ADGRB3: variants seen among roughly 807,000 people sequenced by gnomAD.
ADGRB3 encodes the protein brain-specific angiogenesis inhibitor 3.
ADGRB3 carries 37 observed loss-of-function variants against 193.4 expected under a neutral mutation model. The observed-to-expected ratio is 0.19, with a 90% CI of 0.15 to 0.25. The LOEUF (loss-of-function observed/expected upper bound fraction) is 0.25. Ranked by LOEUF, ADGRB3 falls within the 10% of genes least tolerant of loss-of-function variation. The pLI is 1.00. For synonymous variants in ADGRB3, 690 were observed against 644.2 expected, an observed-to-expected ratio of 1.07 and a Z score of -1.08; for missense variants, 1,637 against 1,852.9, an observed-to-expected ratio of 0.88 and a Z score of 2.14.
At chr6:68,883,432 C>G (rs1378204505) in intron 3 of ADGRB3, among the ~76,000 whole-genome samples, 1 of 152,206 alleles carries the variant, frequency 6.6e-6, no homozygotes, top group Admixed American at 6.5e-5. Flanking sequence ...TCTCCTTCCA[C>G]GTTGTAGGAG....
intron 3 of ADGRB3, among the ~76,000 whole-genome samples, chr6:68,818,174 G>A (rs1048735562): frequency 6.6e-6 from 1 of 152,034 alleles, no homozygotes; most frequent in South Asian, 2.1e-4. Flanking sequence ...TAAACCACAT[G>A]CATGGTTCTA....
intron 10 of ADGRB3, among the ~76,000 whole-genome samples, chr6:68,986,489 CAT>C (rs1769080225): frequency 6.6e-6 from 1 of 152,130 alleles, no homozygotes; most frequent in Non-Finnish European, 1.5e-5. Flanking sequence ...TCGTATCAAA[CAT>C]AGGGAAAATT....
intron 3 of ADGRB3, among the ~76,000 whole-genome samples, chr6:68,725,812 A>G (rs1448392893): frequency 6.6e-6 from 1 of 151,574 alleles, no homozygotes; most frequent in Non-Finnish European, 1.5e-5. Context: ...AACAAGGGGG[A>G]CCATTGACAG....
chr6:69,274,707 T>C, intron 20 of ADGRB3, among the ~76,000 whole-genome samples: 1 of 150,826 alleles, frequency 6.6e-6, no homozygotes, highest in Admixed American at 6.6e-5. Flanking sequence ...AACAGAAAGT[T>C]AAGTCTAGTG....
intron 17 of ADGRB3, among the ~76,000 whole-genome samples, chr6:69,157,763 T>G (rs534453043): frequency 7.2e-5 from 11 of 152,066 alleles, no homozygotes; most frequent in Non-Finnish European, 1.5e-4. Context: ...TTTGGATATT[T>G]TGAAATGAGA....
chr6:69,219,461 GTATATATATATA>G lies in ADGRB3; in HGVS notation c.2481-13808_2481-13797del, dbSNP rs3839475. On this transcript the variant is annotated intron_variant, in intron 17 of 31. Coordinates refer to ENST00000370598, the MANE Select transcript of ADGRB3 (RefSeq NM_001704.3). ...CTTTAACTTAAAAATACACACACAC[GTATATATATATA>G]TATATATATATATATATATACGTGT... Among the ~76,000 whole-genome samples the G allele has an allele frequency of 1.9e-3, 184 of 98,964 alleles. 2 individuals carry two copies. The highest frequency in any genetic ancestry group is 9.0e-3 in the South Asian group (21 of 2,330). 64.9% of individuals were successfully genotyped at this position (98,964 alleles called of 152,430 possible).
At chr6:68,795,868 T>A (rs1767197282) in intron 3 of ADGRB3, among the ~76,000 whole-genome samples, 1 of 152,138 alleles carries the variant, frequency 6.6e-6, no homozygotes. Context: ...AAAAGTTTTT[T>A]AAAATCTGTC....
chr6:68,672,005 A>C (rs527730635), intron 3 of ADGRB3, among the ~76,000 whole-genome samples: 2 of 152,082 alleles, frequency 1.3e-5, no homozygotes, highest in East Asian at 3.9e-4. Context: ...GGTTGTATGC[A>C]TCTAGGAATT....
At chr6:69,333,859 G>A (rs181544815) in intron 24 of ADGRB3, among the ~76,000 whole-genome samples, 28 of 151,018 alleles carry the variant, frequency 1.9e-4, no homozygotes, top group Non-Finnish European at 3.4e-4. Flanking sequence ...GAACCTGGGA[G>A]GCGGAGCTTG....
chr6:68,655,304 G>T (rs561430300), intron 3 of ADGRB3, among the ~76,000 whole-genome samples: 2 of 151,304 alleles, frequency 1.3e-5, no homozygotes, highest in African/African-American at 4.8e-5. Flanking sequence ...GTTTTGTTTC[G>T]TTTTTTTGTT....
chr6:68,799,445 A>C (rs1767271978), intron 3 of ADGRB3, among the ~76,000 whole-genome samples: 1 of 152,234 alleles, frequency 6.6e-6, no homozygotes, highest in Non-Finnish European at 1.5e-5. Flanking sequence ...GTTATTATTT[A>C]CTATATTCCA....
chr6:68,966,452 CA>C (rs1768383271), intron 8 of ADGRB3, among the ~76,000 whole-genome samples: 1 of 152,268 alleles, frequency 6.6e-6, no homozygotes, highest in East Asian at 1.9e-4. Flanking sequence ...TACTTATCCC[CA>C]ACTTTACACT....
intron 3 of ADGRB3, among the ~76,000 whole-genome samples, chr6:68,781,096 G>A (rs1022624346): frequency 1.3e-5 from 2 of 152,166 alleles, no homozygotes; most frequent in Non-Finnish European, 2.9e-5. Context: ...TTCGTGTACA[G>A]TTTAATGTGA....
intron 6 of ADGRB3, among the ~76,000 whole-genome samples, chr6:68,946,337 GCAT>G (rs1767775074): frequency 6.6e-6 from 1 of 152,196 alleles, no homozygotes; most frequent in Admixed American, 6.5e-5. Flanking sequence ...GGGTATGAAA[GCAT>G]CATCAACTAT....
chr6:68,690,262 T>C (rs1479333537), intron 3 of ADGRB3, among the ~76,000 whole-genome samples: 2 of 152,094 alleles, frequency 1.3e-5, no homozygotes, highest in Non-Finnish European at 2.9e-5. Flanking sequence ...TAACTACAAC[T>C]CTAATGTGTG....
chr6:69,003,133 C>G (rs1769631496), intron 11 of ADGRB3, among the ~76,000 whole-genome samples: 1 of 152,154 alleles, frequency 6.6e-6, no homozygotes, highest in African/African-American at 2.4e-5. Context: ...AGTACTTACT[C>G]AGTACCTGAC....
chr6:69,081,467 A>G (rs910686880), intron 17 of ADGRB3, among the ~76,000 whole-genome samples: 2 of 152,000 alleles, frequency 1.3e-5, no homozygotes, highest in African/African-American at 4.8e-5. Context: ...AAATATTACA[A>G]AAAGCAATAG....
intron 3 of ADGRB3, among the ~76,000 whole-genome samples, chr6:68,796,933 G>A (rs2127369064): frequency 6.6e-6 from 1 of 152,170 alleles, no homozygotes. Flanking sequence ...CAGAGGTCCT[G>A]GTAAAGCTAT....
At chr6:68,848,238 G>C (rs545452792) in intron 3 of ADGRB3, among the ~76,000 whole-genome samples, 5 of 151,972 alleles carry the variant, frequency 3.3e-5, no homozygotes, top group Non-Finnish European at 7.4e-5. Flanking sequence ...CTTTCATACT[G>C]GTTATTCAGT....
Sources: gnomAD v4.1 joint callset for allele counts (sites outside exome capture counted in the v4.1 genomes callset) on GRCh38, gnomAD v4.1.1 for gene constraint, MANE v1.5 for transcripts, NCBI Gene and HGNC (gene_info 2026-07-23, HGNC 2026-07-21) for gene names.